The following CAMK1D variants were observed in gnomAD, a reference collection of about 807,000 sequenced individuals.
The protein encoded by CAMK1D is calcium/calmodulin-dependent protein kinase type 1D.
CAMK1D carries 9 observed loss-of-function variants against 47.7 expected under a neutral mutation model. The observed-to-expected ratio is 0.19, with a 90% CI of 0.11 to 0.33. The LOEUF (loss-of-function observed/expected upper bound fraction) is 0.33, where lower values mean the gene tolerates loss of function less well. CAMK1D is among the 10% of genes least tolerant of loss of function. The pLI is 1.00. For synonymous variants in CAMK1D, 184 were observed against 184.9 expected (o/e 0.99, Z 0.04); for missense variants, 291 against 488.7 (o/e 0.60, Z 3.81).
chr10:12,813,711 G>A (rs753263656), intron 6 of CAMK1D, among the ~76,000 whole-genome samples: 5 of 152,052 alleles, frequency 3.3e-5, no homozygotes, highest in Non-Finnish European at 7.4e-5. Context: ...TTTCTTGGTT[G>A]AGATTATATT....
chr10:12,653,193 A>G (rs1299710636), intron 2 of CAMK1D: 4 of 154,040 alleles, frequency 2.6e-5, no homozygotes, highest in Non-Finnish European at 5.9e-5. Context: ...CCACCAGCCC[A>G]CTCCTGTGAT....
chr10:12,648,223 C>T (rs1445139830), intron 2 of CAMK1D, among the ~76,000 whole-genome samples: 2 of 152,196 alleles, frequency 1.3e-5, no homozygotes, highest in Non-Finnish European at 2.9e-5. Context: ...ACTTAATTCT[C>T]CCGTCTGTAA....
At chr10:12,431,965 G>GGA (rs1832491466) in intron 1 of CAMK1D, among the ~76,000 whole-genome samples, 1 of 152,222 alleles carries the variant, frequency 6.6e-6, no homozygotes, top group African/African-American at 2.4e-5. Context: ...TCATCCCTGG[G>GGA]GAGAGGCAAT....
intron 3 of CAMK1D, among the ~76,000 whole-genome samples, chr10:12,756,202 T>G (rs1201627963): frequency 6.6e-6 from 1 of 152,222 alleles, no homozygotes; most frequent in Non-Finnish European, 1.5e-5. Flanking sequence ...TTAGCAGAAG[T>G]GCTCCCTTTT....
chr10:12,583,207 A>G (rs1284514544), intron 2 of CAMK1D, among the ~76,000 whole-genome samples: 1 of 152,204 alleles, frequency 6.6e-6, no homozygotes, highest in Non-Finnish European at 1.5e-5. Context: ...ATACATCTGT[A>G]CAGGGACAGT....
chr10:12,563,704 AGAGAGG>A (rs1175736223), intron 2 of CAMK1D, among the ~76,000 whole-genome samples: 13 of 150,566 alleles, frequency 8.6e-5, no homozygotes, highest in African/African-American at 3.2e-4. Flanking sequence ...AGAGAGGGAG[AGAGAGG>A]GAGAGAGAGA....
intron 3 of CAMK1D, among the ~76,000 whole-genome samples, chr10:12,683,274 A>T (rs1832518634): frequency 6.6e-6 from 1 of 151,916 alleles, no homozygotes. Flanking sequence ...TTTAGTAGAG[A>T]TGGGGTTTCG....
chr10:12,398,259 T>C lies in CAMK1D; in HGVS notation c.92+48349T>C, dbSNP rs552086849. Among the ~76,000 whole-genome samples, 12 of 152,336 alleles carry C rather than the reference T, an allele frequency of 7.9e-5. No individual in the cohort carries two copies. In the South Asian group the frequency reaches 2.5e-3, roughly 32 times the overall value. On this transcript the variant is annotated intron_variant, in intron 1 of 10. Transcript: ENST00000619168. ...TCTCATAGAATTTTATCCTAGGATA[T>C]TATATTTGTTCTTGCCAAAAATATG... is the stretch of plus-strand genomic sequence containing the variant.
intron 3 of CAMK1D, among the ~76,000 whole-genome samples, chr10:12,672,228 T>G (rs1359837821): frequency 1.3e-5 from 2 of 151,770 alleles, no homozygotes. Context: ...GTCACCTAAT[T>G]CTTAATGGTA....
In CAMK1D at chr10:12,832,605, A is replaced by G. The variant is rs1415202002; in HGVS notation, c.*3718A>G. The G allele has an allele frequency of 1.3e-5, 2 of 152,274 alleles. No individual in the cohort carries two copies. Among genetic ancestry groups the G allele is most frequent in the African/African-American group, 2.4e-5 (1 of 41,470 alleles). 9.4% of individuals were successfully genotyped at this position (152,274 alleles called of 1,614,324 possible). A position where few individuals can be genotyped will look rare whatever the true frequency, so the allele number is the denominator to read the frequency against. On this transcript the variant is annotated 3_prime_UTR_variant, in exon 11 of 11. Coordinates refer to ENST00000619168, the MANE Select transcript of CAMK1D (RefSeq NM_153498.4). ...GGTCTTCTTTTAAAAGAAAAGAGCT[A>G]TGGCAAAGCGTGCCATACAAAGTTA...
intron 1 of CAMK1D, among the ~76,000 whole-genome samples, chr10:12,392,153 TTAGCCGGG>T (rs1224099630): frequency 1.3e-5 from 2 of 151,920 alleles, no homozygotes; most frequent in Admixed American, 6.6e-5. Context: ...ACATACAAAA[TTAGCCGGG>T]TGCAGTGGTG....
intron 6 of CAMK1D, among the ~76,000 whole-genome samples, chr10:12,801,354 T>TTATCTATCTATC (rs56165416): frequency 0.045 from 2,990 of 66,342 alleles, 148 homozygotes; most frequent in African/African-American, 0.058. Context: ...TCTATCTATC[T>TTATCTATCTATC]TATCTATCTA....
At chr10:12,488,903 C>T (rs1045345778) in intron 1 of CAMK1D, among the ~76,000 whole-genome samples, 1 of 152,174 alleles carries the variant, frequency 6.6e-6, no homozygotes, top group Non-Finnish European at 1.5e-5. Flanking sequence ...CGCTCACTTG[C>T]CGTCCCCCTC....
chr10:12,801,354 T>TAATC (rs57429397), intron 6 of CAMK1D, among the ~76,000 whole-genome samples: 80 of 66,564 alleles, frequency 1.2e-3, no homozygotes, highest in East Asian at 5.0e-3. Context: ...TCTATCTATC[T>TAATC]TATCTATCTA....
chr10:12,743,373 AAG>A (rs1215161635), intron 3 of CAMK1D, among the ~76,000 whole-genome samples: 132 of 151,572 alleles, frequency 8.7e-4, no homozygotes, highest in African/African-American at 3.1e-3. Flanking sequence ...AAAAGAAAAA[AAG>A]AAAAAGGAAA....
At chr10:12,635,295 A>C (rs1399946826) in intron 2 of CAMK1D, among the ~76,000 whole-genome samples, 1 of 152,120 alleles carries the variant, frequency 6.6e-6, no homozygotes, top group Non-Finnish European at 1.5e-5. Flanking sequence ...ATTTCCTGGG[A>C]CTTCCCATCC....
At chr10:12,626,333 A>T (rs1395746669) in intron 2 of CAMK1D, among the ~76,000 whole-genome samples, 1 of 152,120 alleles carries the variant, frequency 6.6e-6, no homozygotes, top group African/African-American at 2.4e-5. Context: ...TAGTTTTGAA[A>T]ATCAAATAGT....
chr10:12,779,618 A>C (rs1837405415), intron 5 of CAMK1D, among the ~76,000 whole-genome samples: 1 of 152,050 alleles, frequency 6.6e-6, no homozygotes, highest in Non-Finnish European at 1.5e-5. Flanking sequence ...TTTTGTAGAG[A>C]CAGGGTCTCA....
At chr10:12,412,304 C>G (rs1839684460) in intron 1 of CAMK1D, among the ~76,000 whole-genome samples, 1 of 151,950 alleles carries the variant, frequency 6.6e-6, no homozygotes, top group Non-Finnish European at 1.5e-5. Context: ...CCCCTCTTTA[C>G]AGCGACTAGA....
Sources: allele counts gnomAD v4.1 joint callset (sites outside exome capture counted in the v4.1 genomes callset), GRCh38; gene constraint gnomAD v4.1.1; transcripts MANE v1.5; gene names NCBI Gene and HGNC (gene_info 2026-07-23, HGNC 2026-07-21).